NOS1AP: variants seen among roughly 807,000 people sequenced by gnomAD.
The protein encoded by NOS1AP is nitric oxide synthase 1 adaptor protein.
A neutral mutation model predicts 56.2 loss-of-function variants in NOS1AP; 21 were observed. The observed-to-expected ratio is 0.37, with a 90% CI of 0.26 to 0.54. The LOEUF (loss-of-function observed/expected upper bound fraction) is 0.54. Among genes scored for constraint, NOS1AP ranks in the 20% least tolerant of loss-of-function variants. NOS1AP has a pLI of 0.84. For missense variants in NOS1AP, 522 were observed against 657.8 expected, an observed-to-expected ratio of 0.79 and a Z score of 2.26; for synonymous variants, 270 against 274.6, an observed-to-expected ratio of 0.98 and a Z score of 0.17.
At chr1:162,354,240 G>A (rs905990336) in intron 6 of NOS1AP, among the ~76,000 whole-genome samples, 8 of 152,166 alleles carry the variant, frequency 5.3e-5, no homozygotes, top group Admixed American at 1.3e-4. Flanking sequence ...TTTTATAATT[G>A]GTGCGTGGTC....
At chr1:162,260,439 C>T (rs1482130153) in intron 2 of NOS1AP, among the ~76,000 whole-genome samples, 1 of 152,092 alleles carries the variant, frequency 6.6e-6, no homozygotes, top group East Asian at 1.9e-4. Flanking sequence ...GTAACATCAG[C>T]ATTAATACAA....
chr1:162,086,860 C>T (rs1357652530), intron 1 of NOS1AP, among the ~76,000 whole-genome samples: 1 of 152,148 alleles, frequency 6.6e-6, no homozygotes, highest in African/African-American at 2.4e-5. Context: ...GTTGAACTAG[C>T]TTGTGGCCTG....
intron 2 of NOS1AP, among the ~76,000 whole-genome samples, chr1:162,176,435 TCAGA>T (rs1211572318): frequency 6.6e-6 from 1 of 152,030 alleles, no homozygotes; most frequent in Non-Finnish European, 1.5e-5. Flanking sequence ...TGTAGCCTTT[TCAGA>T]CTGGTTTCTT....
chr1:162,209,257 G>C (rs1652263277), intron 2 of NOS1AP, among the ~76,000 whole-genome samples: 1 of 152,148 alleles, frequency 6.6e-6, no homozygotes, highest in Middle Eastern at 3.2e-3. Context: ...CCAGTGTAGG[G>C]CCCAAGTGTC....
intron 3 of NOS1AP, among the ~76,000 whole-genome samples, chr1:162,288,414 A>G (rs938659848): frequency 6.6e-6 from 1 of 152,158 alleles, no homozygotes; most frequent in Admixed American, 6.5e-5. Flanking sequence ...AGAGGGAGAG[A>G]GTGTGGAGGT....
intron 3 of NOS1AP, among the ~76,000 whole-genome samples, chr1:162,292,419 CCTG>C: frequency 6.6e-6 from 1 of 152,294 alleles, no homozygotes; most frequent in African/African-American, 2.4e-5. Context: ...ATGTGGAGTA[CCTG>C]CTATTGCCCA....
At chr1:162,236,097 T>A (rs1429732919) in intron 2 of NOS1AP, among the ~76,000 whole-genome samples, 1 of 152,236 alleles carries the variant, frequency 6.6e-6, no homozygotes. Context: ...TCTCATTCAT[T>A]CGTTCCACAG....
chr1:162,332,282 C>T (rs1181907217), intron 4 of NOS1AP, among the ~76,000 whole-genome samples: 1 of 152,178 alleles, frequency 6.6e-6, no homozygotes, highest in African/African-American at 2.4e-5. Flanking sequence ...CCCTGGCTAC[C>T]CTGTCTAAAA....
At chr1:162,293,587 C>T (rs747210799) in intron 3 of NOS1AP, among the ~76,000 whole-genome samples, 5 of 152,202 alleles carry the variant, frequency 3.3e-5, no homozygotes, top group African/African-American at 7.2e-5. Flanking sequence ...TTGACATTTG[C>T]ACTCAACAGA....
intron 2 of NOS1AP, among the ~76,000 whole-genome samples, chr1:162,185,001 C>G (rs984675041): frequency 3.9e-5 from 6 of 152,210 alleles, no homozygotes; most frequent in African/African-American, 1.4e-4. Flanking sequence ...ACAGCTGTTT[C>G]TTTCTGGAGC....
rs75619952 is a variant in NOS1AP at position 162,070,026 on chromosome 1, C to G, written c.-152C>G. 2,281 of 475,152 alleles carry G rather than the reference C, an allele frequency of 4.8e-3. 7 individuals carry two copies. Among genetic ancestry groups the G allele is most frequent in the Non-Finnish European group, 6.1e-3 (1,652 of 272,782 alleles). The allele number at this position is 475,152 out of a possible 1,614,324, so 29.4% of individuals were successfully genotyped here. A position where few individuals can be genotyped will look rare whatever the true frequency, so the allele number is the denominator to read the frequency against. On this transcript the variant is annotated 5_prime_UTR_variant, in exon 1 of 10. Transcript: ENST00000361897. ...CTCGGCCCTCGGCACCGCTCCGGGT[C>G]CGGCCGCCGCGCGGCCAGGGCTCCC...
At chr1:162,217,422 C>T (rs7527429) in intron 2 of NOS1AP, among the ~76,000 whole-genome samples, 63,216 of 151,586 alleles carry the variant, frequency 0.42, 16,208 homozygotes, top group Non-Finnish European at 0.58. Flanking sequence ...AGCCACCACA[C>T]CCAGCTAATT....
intron 4 of NOS1AP, among the ~76,000 whole-genome samples, chr1:162,305,674 TTC>T (rs1463848862): frequency 6.6e-6 from 1 of 152,186 alleles, no homozygotes; most frequent in East Asian, 1.9e-4. Context: ...ATCCCAGATA[TTC>T]TGTCTTATCA....
intron 2 of NOS1AP, among the ~76,000 whole-genome samples, chr1:162,204,053 C>G (rs1652082742): frequency 6.6e-6 from 1 of 151,414 alleles, no homozygotes; most frequent in Admixed American, 6.6e-5. Context: ...GGCCAGAGTG[C>G]TCTTTCAAAA....
At chr1:162,179,939 C>T (rs764720391) in intron 2 of NOS1AP, among the ~76,000 whole-genome samples, 1 of 152,100 alleles carries the variant, frequency 6.6e-6, no homozygotes, top group Non-Finnish European at 1.5e-5. Flanking sequence ...GGAGAAAAGG[C>T]CGGACACCAT....
At position 162,288,093 on chromosome 1, in the gene NOS1AP, G is replaced by A. The variant is rs190836110; in HGVS notation, c.270+657G>A. ...CTTGTCTGTTTTGTGCCAGTTGTAT[G>A]TGGTTGTGGCAGGTAACATTAACCC... On this transcript the variant is annotated intron_variant, in intron 3 of 9. Coordinates refer to ENST00000361897, the MANE Select transcript of NOS1AP (RefSeq NM_014697.3). Among the ~76,000 whole-genome samples the A allele has an allele frequency of 2.0e-3, 309 of 152,304 alleles. 6 individuals carry two copies. The highest frequency in any genetic ancestry group is 0.018 in the Admixed American group (270 of 15,294).
chr1:162,277,759 G>C (rs749376020), intron 2 of NOS1AP, among the ~76,000 whole-genome samples: 76 of 152,282 alleles, frequency 5.0e-4, no homozygotes, highest in Non-Finnish European at 8.1e-4. Flanking sequence ...GTTCACCTGT[G>C]CTGGCATTGG....
At chr1:162,263,769 A>G (rs941153003) in intron 2 of NOS1AP, among the ~76,000 whole-genome samples, 15 of 152,202 alleles carry the variant, frequency 9.9e-5, no homozygotes, top group African/African-American at 3.4e-4. Context: ...GATTTCTCAA[A>G]GACACCTCAG....
At chr1:162,223,502 G>A (rs940253453) in intron 2 of NOS1AP, among the ~76,000 whole-genome samples, 1 of 152,198 alleles carries the variant, frequency 6.6e-6, no homozygotes, top group African/African-American at 2.4e-5. Flanking sequence ...TGAGCATAAT[G>A]TTTGGAGGAA....
Sources: gnomAD v4.1 joint callset for allele counts (sites outside exome capture counted in the v4.1 genomes callset) on GRCh38, gnomAD v4.1.1 for gene constraint, MANE v1.5 for transcripts, NCBI Gene and HGNC (gene_info 2026-07-23, HGNC 2026-07-21) for gene names.